The following CERS5 variants were observed in gnomAD, a reference collection of about 807,000 sequenced individuals.
The protein encoded by CERS5 is LAG1 homolog, ceramide synthase 5.
In CERS5, 37 loss-of-function variants were observed where a neutral mutation model predicts 58.9. The ratio of observed to expected loss-of-function variants is 0.63; its 90% CI spans 0.48 to 0.83. CERS5 has a LOEUF of 0.83. CERS5 is among the 40% of genes least tolerant of loss of function. The probability of loss-of-function intolerance (pLI) is 0.00; values close to 1 mark genes in which losing one functional copy is unlikely to be tolerated. For synonymous variants in CERS5, 147 were observed against 177.8 expected (o/e 0.83, Z 1.38); for missense variants, 398 against 489.3 (o/e 0.81, Z 1.76).
intron 9 of CERS5, chr12:50,134,317 TA>T: frequency 8.9e-7 from 1 of 1,128,402 alleles, no homozygotes; most frequent in Non-Finnish European, 1.2e-6. Flanking sequence ...GAGGCTGCAG[TA>T]AGCTATGATC....
At chr12:50,139,981 T>TCC (rs35305434) in intron 4 of CERS5, among the ~76,000 whole-genome samples, 107,838 of 151,702 alleles carry the variant, frequency 0.71, 39,602 homozygotes, top group East Asian at 0.92. Context: ...TACCTTAGCC[T>TCC]CAAAGTGAGG....
At chr12:50,152,860 A>C (rs553189643) in intron 1 of CERS5, among the ~76,000 whole-genome samples, 2 of 152,220 alleles carry the variant, frequency 1.3e-5, no homozygotes, top group East Asian at 3.9e-4. Context: ...ACCTGAGGTC[A>C]GGAGTTTGAG....
intron 6 of CERS5, among the ~76,000 whole-genome samples, chr12:50,136,492 C>A (rs1287902327): frequency 1.3e-5 from 2 of 151,936 alleles, no homozygotes; most frequent in Non-Finnish European, 2.9e-5. Flanking sequence ...AAAAAAGTTT[C>A]CATTCTGCTT....
chr12:50,152,053 T>G (rs1466262666), intron 1 of CERS5, among the ~76,000 whole-genome samples: 1 of 152,174 alleles, frequency 6.6e-6, no homozygotes, highest in Non-Finnish European at 1.5e-5. Context: ...TTCCTCAGGG[T>G]TCACTTAGAG....
In CERS5 at chr12:50,167,312, G is replaced by A; in HGVS notation, c.-15C>T. ...GCTGTCGCCATCTTACGCCCACCCC[G>A]AAGCCACCGCCGCCACAAGCGTCAG... On this transcript the variant is annotated 5_prime_UTR_variant, in exon 1 of 10. Transcript: ENST00000317551. The A allele has an allele frequency of 6.8e-7, 1 of 1,470,400 alleles. No individual in the cohort carries two copies. The allele number at this position is 1,470,400 out of a possible 1,614,324, so 91.1% of individuals were successfully genotyped here.
At chr12:50,145,857 G>A (rs927380232) in intron 1 of CERS5, among the ~76,000 whole-genome samples, 1 of 152,126 alleles carries the variant, frequency 6.6e-6, no homozygotes, top group Admixed American at 6.5e-5. Context: ...TAACTGACAA[G>A]CAACATGTTT....
intron 1 of CERS5, among the ~76,000 whole-genome samples, chr12:50,163,747 G>A (rs536243294): frequency 6.6e-6 from 1 of 152,210 alleles, no homozygotes; most frequent in East Asian, 1.9e-4. Flanking sequence ...CCGGGTTCAA[G>A]CAATCCTCCT....
At chr12:50,153,779 A>G in intron 1 of CERS5, 1 of 309,696 alleles carries the variant, frequency 3.2e-6, no homozygotes, top group South Asian at 2.3e-5. Context: ...ATATGGTGAA[A>G]CCCCATCTCC....
intron 4 of CERS5, among the ~76,000 whole-genome samples, chr12:50,140,283 AATTT>A (rs1398453678): frequency 3.1e-5 from 3 of 97,242 alleles, no homozygotes; most frequent in African/African-American, 5.1e-5. Context: ...TTAACTTCCA[AATTT>A]TTTTTTTTTT....
At chr12:50,144,388 G>T in intron 1 of CERS5, 3 of 282,966 alleles carry the variant, frequency 1.1e-5, no homozygotes, top group Non-Finnish European at 1.3e-5. Context: ...AGATCCCCAG[G>T]TGATTCACAT....
intron 9 of CERS5, chr12:50,134,001 G>C (rs1048743611): frequency 3.2e-5 from 5 of 158,182 alleles, no homozygotes; most frequent in African/African-American, 1.2e-4. Flanking sequence ...GAACCCAGGA[G>C]GTGGAGGTTG....
At chr12:50,133,809 C>G (rs767402949) in intron 9 of CERS5, 182 of 983,392 alleles carry the variant, frequency 1.9e-4, no homozygotes, top group Non-Finnish European at 2.0e-4. Context: ...TGCGGTGGCT[C>G]ACGCCTGTAA....
At chr12:50,142,724 T>C (rs1952040744) in intron 3 of CERS5, among the ~76,000 whole-genome samples, 1 of 152,174 alleles carries the variant, frequency 6.6e-6, no homozygotes, top group South Asian at 2.1e-4. Context: ...AGAAAAGGAA[T>C]GCTTCCTAAA....
At position 50,130,378 on chromosome 12, in the gene CERS5, T is replaced by C. The variant is rs1430300873; in HGVS notation, c.*167A>G. 9.1e-6 allele frequency: 5 copies of C among 551,376 alleles called. No homozygotes were observed. The highest frequency in any genetic ancestry group is 1.5e-5 in the Non-Finnish European group (5 of 325,722). The allele number at this position is 551,376 out of a possible 1,614,324, so 34.2% of individuals were successfully genotyped here. A position where few individuals can be genotyped will look rare whatever the true frequency, so the allele number is the denominator to read the frequency against. On this transcript the variant is annotated 3_prime_UTR_variant, in exon 10 of 10. Coordinates refer to ENST00000317551, the MANE Select transcript of CERS5 (RefSeq NM_147190.5). ...CTGAAAGAACCTGGAGGCTATTAAA[T>C]ACAAAATGGCAGTTTTCTTTCAAAG...
At chr12:50,148,537 C>T in intron 1 of CERS5, 1 of 341,542 alleles carries the variant, frequency 2.9e-6, no homozygotes, top group South Asian at 2.1e-5. Context: ...ACAGAGGTTG[C>T]AGTGAGCTGA....
chr12:50,154,094 C>T, intron 1 of CERS5: 1 of 261,742 alleles, frequency 3.8e-6, no homozygotes, highest in Non-Finnish European at 7.7e-6. Flanking sequence ...GCGTGGCACG[C>T]CTGTAATCCC....
chr12:50,160,298 C>CT, intron 1 of CERS5, among the ~76,000 whole-genome samples: 1 of 127,902 alleles, frequency 7.8e-6, no homozygotes, highest in Non-Finnish European at 1.6e-5. Flanking sequence ...GAGCGAGACT[C>CT]TGTCTCAAAA....
In CERS5 at chr12:50,143,209, G is replaced by T. The variant is rs771369421; in HGVS notation, c.304-5C>A. 4 of 1,613,906 alleles carry T rather than the reference G, an allele frequency of 2.5e-6. No homozygotes were observed. Among genetic ancestry groups the T allele is most frequent in the Admixed American group, 3.3e-5 (2 of 59,980 alleles). On this transcript the variant is annotated splice_polypyrimidine_tract_variant and splice_region_variant and intron_variant, in intron 2 of 9. Transcript: ENST00000317551. Reference sequence around the variant, plus strand: ...CAGCCTTTTCTTATCAGGATACTGTGAATGTATAACCAGAGTCAGAACACC... The same window carrying T: ...CAGCCTTTTCTTATCAGGATACTGTTAATGTATAACCAGAGTCAGAACACC...
intron 1 of CERS5, among the ~76,000 whole-genome samples, chr12:50,148,946 A>ATATGTGTGTG (rs1420401358): frequency 2.1e-4 from 22 of 103,096 alleles, no homozygotes; most frequent in African/African-American, 8.9e-4. Context: ...ATATATATAT[A>ATATGTGTGTG]TGTGTGTGTG....
Sources: gnomAD v4.1 joint callset for allele counts (sites outside exome capture counted in the v4.1 genomes callset) on GRCh38, gnomAD v4.1.1 for gene constraint, MANE v1.5 for transcripts, NCBI Gene and HGNC (gene_info 2026-07-23, HGNC 2026-07-21) for gene names.